CASP6: variants seen among roughly 807,000 people sequenced by gnomAD.
CASP6 encodes the protein caspase 6, also known as caspase-6.
CASP6 carries 20 observed loss-of-function variants against 31.8 expected under a neutral mutation model. That is an observed-to-expected ratio of 0.63 (90% CI 0.44 to 0.91). CASP6 has a LOEUF of 0.91. Among genes scored for constraint, CASP6 ranks in the 40% least tolerant of loss-of-function variants. The pLI is 0.00. For synonymous variants in CASP6, 130 were observed against 127.8 expected (o/e 1.02, Z -0.12); for missense variants, 328 against 361.1 (o/e 0.91, Z 0.74).
At chr4:109,694,425 A>G in intron 5 of CASP6, 100 bp downstream of exon 5, 1 of 1,122,656 alleles carries the variant, frequency 8.9e-7, no homozygotes, top group East Asian at 2.7e-5. Context: ...GGCCTGTCCA[A>G]TTACTGGAGA....
At chr4:109,685,416 TAGTATC>T, downstream of CASP6, 1 of 782,254 alleles carries the variant, frequency 1.3e-6, no homozygotes, top group Middle Eastern at 2.6e-4. Flanking sequence ...AGCCAGAACT[TAGTATC>T]AGGGAAGTAT....
chr4:109,682,603 C>A, the CASP6 span: 1 of 1,612,256 alleles, frequency 6.2e-7, no homozygotes, highest in Non-Finnish European at 8.5e-7. Context: ...AATGAGCACA[C>A]TGCTGAGATG....
chr4:109,705,834 G>A (rs1365549614), upstream of CASP6, among the ~76,000 whole-genome samples: 2 of 145,422 alleles, frequency 1.4e-5, no homozygotes, highest in East Asian at 2.0e-4. Flanking sequence ...TTTTTAATTA[G>A]CCAAGAGTGG....
intron 1 of CASP6, among the ~76,000 whole-genome samples, chr4:109,700,368 T>G (rs1304086725): frequency 6.6e-6 from 1 of 152,140 alleles, no homozygotes; most frequent in African/African-American, 2.4e-5. Flanking sequence ...CTGTTTAAAA[T>G]GACGTTCTGG....
the CASP6 span, among the ~76,000 whole-genome samples, chr4:109,680,700 A>G: frequency 1.2e-4 from 18 of 152,204 alleles, no homozygotes; most frequent in African/African-American, 3.1e-4. Flanking sequence ...TGAATTGGGT[A>G]GTGATGGAAG....
chr4:109,669,929 A>G, the CASP6 span, among the ~76,000 whole-genome samples: 1 of 151,962 alleles, frequency 6.6e-6, no homozygotes, highest in Middle Eastern at 3.2e-3. Flanking sequence ...CATGTTATCT[A>G]CTTTTTCTAG....
chr4:109,689,993 TG>T (rs1430864649), intron 6 of CASP6, among the ~76,000 whole-genome samples: 1 of 151,574 alleles, frequency 6.6e-6, no homozygotes, highest in African/African-American at 2.4e-5. Context: ...GAGACCAGCC[TG>T]GCCAACATGG....
At position 109,694,678 on chromosome 4, in the gene CASP6, A is replaced by G. The variant is rs1489697770; in HGVS notation, c.330T>C (p.Asp110=). 1.3e-6 allele frequency: 2 copies of G among 1,599,986 alleles called. No individual in the cohort carries two copies. Among genetic ancestry groups the G allele is most frequent in the Non-Finnish European group, 8.5e-7 (1 of 1,174,250 alleles). The change falls in exon 5 of 7, where the codon GAT becomes GAC. Residue 110 remains aspartate, a synonymous_variant. Coordinates refer to ENST00000265164, the MANE Select transcript of CASP6 (RefSeq NM_001226.4). ...IHEVSTVSHA[D]ADCFVCVFLS... Reference sequence around the variant, plus strand: ...GGAAGACACACACAAAGCAATCGGCATCTGCGTGGCTAACAGTTGACACTA... The same window carrying G: ...GGAAGACACACACAAAGCAATCGGCGTCTGCGTGGCTAACAGTTGACACTA...
intron 1 of CASP6, among the ~76,000 whole-genome samples, chr4:109,698,650 C>T (rs1334911538): frequency 6.6e-6 from 1 of 152,176 alleles, no homozygotes; most frequent in African/African-American, 2.4e-5. Context: ...TCTGTGATTA[C>T]GGAGTTGAAA....
downstream of CASP6, among the ~76,000 whole-genome samples, chr4:109,683,718 G>A (rs1680113304): frequency 6.6e-6 from 1 of 152,096 alleles, no homozygotes; most frequent in Non-Finnish European, 1.5e-5. Flanking sequence ...ATATCTTGAT[G>A]GGCATATGGA....
At chr4:109,700,867 C>G (rs906381404) in intron 1 of CASP6, among the ~76,000 whole-genome samples, 6 of 152,220 alleles carry the variant, frequency 3.9e-5, no homozygotes. Flanking sequence ...GAGAAAATAA[C>G]ACATCATGAC....
At chr4:109,667,327 A>G in the CASP6 span, among the ~76,000 whole-genome samples, 1 of 152,082 alleles carries the variant, frequency 6.6e-6, no homozygotes, top group African/African-American at 2.4e-5. Flanking sequence ...TGTACCTTTT[A>G]GAGAATTAAT....
chr4:109,689,982 C>T (rs1054264088), intron 6 of CASP6, among the ~76,000 whole-genome samples: 3 of 151,420 alleles, frequency 2.0e-5, no homozygotes, highest in Non-Finnish European at 2.9e-5. Context: ...GTCAGGAGTT[C>T]GAGACCAGCC....
intron 5 of CASP6, among the ~76,000 whole-genome samples, chr4:109,693,273 C>T (rs1730132311): frequency 6.6e-6 from 1 of 152,220 alleles, no homozygotes; most frequent in African/African-American, 2.4e-5. Context: ...TTATAAATTA[C>T]CCAGTCTCAG....
chr4:109,697,798 T>C, intron 2 of CASP6, 30 bp from the exon 3 acceptor site: 2 of 1,604,374 alleles, frequency 1.2e-6, no homozygotes, highest in Non-Finnish European at 1.7e-6. Context: ...AAACAATCAC[T>C]TCAAGTCATA....
intron 4 of CASP6, among the ~76,000 whole-genome samples, chr4:109,695,200 G>GT (rs1730199891): frequency 6.6e-6 from 1 of 152,052 alleles, no homozygotes; most frequent in Admixed American, 6.6e-5. Context: ...ATACCGTACT[G>GT]TATCTTATTT....
the CASP6 span, chr4:109,682,835 A>G: frequency 2.1e-6 from 2 of 963,894 alleles, no homozygotes; most frequent in Non-Finnish European, 3.1e-6. Context: ...TGCTTTCCAT[A>G]TGCTAATTTT....
chr4:109,685,696 TA>T (rs1359660159), downstream of CASP6, among the ~76,000 whole-genome samples: 3 of 152,222 alleles, frequency 2.0e-5, no homozygotes, highest in East Asian at 5.8e-4. Flanking sequence ...ATAAGGAACT[TA>T]AGGCATTTAT....
intron 1 of CASP6, among the ~76,000 whole-genome samples, chr4:109,700,006 GTCC>G (rs949641106): frequency 2.6e-5 from 4 of 152,188 alleles, no homozygotes; most frequent in African/African-American, 9.6e-5. Flanking sequence ...ATGTCTCAGT[GTCC>G]TCCTCGGTGG....
Sources: gnomAD v4.1 joint callset for allele counts (sites outside exome capture counted in the v4.1 genomes callset) on GRCh38, gnomAD v4.1.1 for gene constraint, MANE v1.5 for transcripts, NCBI Gene and HGNC (gene_info 2026-07-23, HGNC 2026-07-21) for gene names.